NRXN1: variants seen among roughly 807,000 people sequenced by gnomAD.
NRXN1 encodes the protein neurexin 1.
NRXN1 carries 39 observed loss-of-function variants against 150.9 expected under a neutral mutation model. That is an observed-to-expected ratio of 0.26 (90% confidence interval 0.20 to 0.34). The LOEUF is 0.34. NRXN1 is among the 10% of genes least tolerant of loss of function. The pLI, the probability that NRXN1 is intolerant of heterozygous loss-of-function variation, is 1.00. For synonymous variants in NRXN1, 924 were observed against 757.0 expected (o/e 1.22, Z -3.62); for missense variants, 1,815 against 1,949.9 (o/e 0.93, Z 1.30).
In NRXN1 at chr2:50,237,037, A is replaced by C. The variant is rs1185853437; in HGVS notation, c.3365-67T>G. On this transcript the variant is annotated intron_variant, in intron 17 of 22. Transcript: ENST00000401669. ...AGTCTGCACATTAGCAAGGCATGTT[A>C]TATTGATATATCAGTAAAGTATCAA... The C allele has an allele frequency of 4.2e-6, 6 of 1,423,960 alleles. No individual in the cohort carries two copies. The African/African-American group carries it at 8.4e-5, about 20-fold the overall frequency. The allele number at this position is 1,423,960 out of a possible 1,614,324, so 88.2% of individuals were successfully genotyped here.
intron 18 of NRXN1, among the ~76,000 whole-genome samples, chr2:50,201,765 C>T (rs1022574839): frequency 1.4e-4 from 21 of 152,294 alleles, no homozygotes; most frequent in African/African-American, 4.8e-4. Context: ...CTCATGGTCT[C>T]ATGTGATTGT....
intron 1 of NRXN1, among the ~76,000 whole-genome samples, chr2:51,031,346 G>A (rs1385106791): frequency 6.6e-6 from 1 of 151,958 alleles, no homozygotes; most frequent in Non-Finnish European, 1.5e-5. Context: ...TCACTAGGAG[G>A]ATCAATACAG....
intron 5 of NRXN1, among the ~76,000 whole-genome samples, chr2:50,661,552 AC>A (rs1316329708): frequency 6.6e-6 from 1 of 152,018 alleles, no homozygotes; most frequent in Non-Finnish European, 1.5e-5. Flanking sequence ...CTCAGTAATT[AC>A]CCAACAGCTG....
At chr2:50,832,643 G>C (rs928780843) in intron 5 of NRXN1, among the ~76,000 whole-genome samples, 5 of 152,062 alleles carry the variant, frequency 3.3e-5, no homozygotes, top group African/African-American at 1.2e-4. Flanking sequence ...TTGGGCGACA[G>C]AGTGAGATCC....
intron 5 of NRXN1, among the ~76,000 whole-genome samples, chr2:50,719,535 G>T (rs901475756): frequency 6.6e-6 from 1 of 151,866 alleles, no homozygotes; most frequent in Non-Finnish European, 1.5e-5. Context: ...AATTAGCCAT[G>T]CATGGTGGCA....
intron 12 of NRXN1, among the ~76,000 whole-genome samples, chr2:50,527,040 T>A (rs2092971562): frequency 6.6e-6 from 1 of 152,230 alleles, no homozygotes; most frequent in Non-Finnish European, 1.5e-5. Flanking sequence ...GTCATTTGAA[T>A]AATTTTCATT....
At chr2:50,655,611 C>G (rs1686323871) in intron 5 of NRXN1, among the ~76,000 whole-genome samples, 1 of 151,348 alleles carries the variant, frequency 6.6e-6, no homozygotes, top group African/African-American at 2.4e-5. Context: ...TAGGAACAAA[C>G]TACTTATGAA....
chr2:50,657,818 T>G (rs1377944423), intron 5 of NRXN1, among the ~76,000 whole-genome samples: 1 of 152,028 alleles, frequency 6.6e-6, no homozygotes, highest in Non-Finnish European at 1.5e-5. Flanking sequence ...CTCTGAGCTG[T>G]TATTATCCAC....
At chr2:49,922,279 C>T (rs750596031) in intron 22 of NRXN1, 28 bp from the exon 23 acceptor site, 31 of 1,595,904 alleles carry the variant, frequency 1.9e-5, no homozygotes, top group South Asian at 4.5e-5. Context: ...AGAACAAACA[C>T]AAAGTGATCA....
At chr2:50,389,985 T>A (rs1046572245) in intron 17 of NRXN1, among the ~76,000 whole-genome samples, 6 of 152,320 alleles carry the variant, frequency 3.9e-5, no homozygotes, top group Admixed American at 2.0e-4. Context: ...AAACTCAGAA[T>A]TATTTATACC....
chr2:50,638,185 A>C (rs985479821), intron 5 of NRXN1, among the ~76,000 whole-genome samples: 2 of 152,178 alleles, frequency 1.3e-5, no homozygotes, highest in African/African-American at 4.8e-5. Flanking sequence ...ATCACCTGGA[A>C]AACTTTCTAC....
At chr2:50,155,840 G>C (rs2058985314) in intron 18 of NRXN1, among the ~76,000 whole-genome samples, 1 of 151,350 alleles carries the variant, frequency 6.6e-6, no homozygotes, top group African/African-American at 2.4e-5. Context: ...AGTAGACTGA[G>C]CAAAAAACTA....
intron 5 of NRXN1, among the ~76,000 whole-genome samples, chr2:50,775,596 T>A (rs1365740518): frequency 6.6e-6 from 1 of 152,132 alleles, no homozygotes. Context: ...AACTACTTAT[T>A]GGGCCTTTAA....
chr2:50,757,516 T>G (rs1368144516), intron 5 of NRXN1, among the ~76,000 whole-genome samples: 3 of 151,796 alleles, frequency 2.0e-5, no homozygotes, highest in Non-Finnish European at 4.4e-5. Flanking sequence ...CCCCAAAATA[T>G]GTACAACTAT....
chr2:50,694,157 G>T (rs1352462227), intron 5 of NRXN1, among the ~76,000 whole-genome samples: 1 of 152,068 alleles, frequency 6.6e-6, no homozygotes, highest in African/African-American at 2.4e-5. Context: ...ATGTTTAATG[G>T]CATTTTAAAA....
intron 5 of NRXN1, among the ~76,000 whole-genome samples, chr2:50,876,697 T>TA (rs1481291818): frequency 2.6e-5 from 4 of 151,838 alleles, no homozygotes; most frequent in Admixed American, 2.0e-4. Flanking sequence ...CAGTAACTAA[T>TA]ATACATTCCA....
chr2:49,981,180 G>T (rs1309124910), intron 21 of NRXN1, among the ~76,000 whole-genome samples: 1 of 152,000 alleles, frequency 6.6e-6, no homozygotes, highest in Non-Finnish European at 1.5e-5. Context: ...TTGACAGAAG[G>T]ATGACATACT....
At chr2:50,134,145 A>T (rs1706004964) in intron 18 of NRXN1, among the ~76,000 whole-genome samples, 1 of 152,158 alleles carries the variant, frequency 6.6e-6, no homozygotes. Flanking sequence ...GGGTAAGTCA[A>T]TCAGTAAAGG....
intron 2 of NRXN1, among the ~76,000 whole-genome samples, chr2:50,999,536 G>C (rs1481602254): frequency 6.6e-6 from 1 of 152,018 alleles, no homozygotes; most frequent in East Asian, 1.9e-4. Context: ...GCTGACATGT[G>C]ATGTCTCCCC....
Sources: allele counts gnomAD v4.1 joint callset (sites outside exome capture counted in the v4.1 genomes callset), GRCh38; gene constraint gnomAD v4.1.1; transcripts MANE v1.5; gene names NCBI Gene and HGNC (gene_info 2026-07-23, HGNC 2026-07-21).